ERG: variants seen among roughly 807,000 people sequenced by gnomAD.
The protein encoded by ERG is transcriptional regulator ERG.
In ERG, 9 loss-of-function variants were observed where a neutral mutation model predicts 55.3. The observed-to-expected ratio is 0.16, with a 90% CI of 0.10 to 0.28. The LOEUF is 0.28. Ranked by LOEUF, ERG falls within the 10% of genes least tolerant of loss-of-function variation. The pLI is 1.00. For missense variants in ERG, 434 were observed against 631.6 expected (o/e 0.69, Z 3.35); for synonymous variants, 223 against 237.3 (o/e 0.94, Z 0.55).
chr21:38,521,175 G>T (rs1235176096), intron 2 of ERG, among the ~76,000 whole-genome samples: 7 of 152,116 alleles, frequency 4.6e-5, no homozygotes, highest in Non-Finnish European at 1.0e-4. Flanking sequence ...GAGATTCATG[G>T]ACACAACTTA....
intron 2 of ERG, among the ~76,000 whole-genome samples, chr21:38,554,426 C>A (rs1367403200): frequency 6.6e-6 from 1 of 152,158 alleles, no homozygotes; most frequent in East Asian, 1.9e-4. Context: ...TCTAGAAGTC[C>A]ATCAGTGGTG....
At chr21:38,597,365 T>C (rs2060137409) in intron 1 of ERG, among the ~76,000 whole-genome samples, 1 of 152,210 alleles carries the variant, frequency 6.6e-6, no homozygotes. Flanking sequence ...TCTATATCTA[T>C]ATACATATAA....
intron 1 of ERG, among the ~76,000 whole-genome samples, chr21:38,483,145 G>A (rs2059252798): frequency 6.6e-6 from 1 of 152,274 alleles, no homozygotes; most frequent in South Asian, 2.1e-4. Flanking sequence ...GGGAAATGGG[G>A]AGATGTAGGT....
rs374144639 is a variant in ERG at position 38,555,128 on chromosome 21, A to T, written c.-41+20534T>A. Among the ~76,000 whole-genome samples, 17 of 152,190 alleles carry T rather than the reference A, an allele frequency of 1.1e-4. No individual in the cohort carries two copies. In the East Asian group the frequency reaches 2.1e-3, roughly 19 times the overall value. On this transcript the variant is annotated intron_variant, in intron 2 of 8. Transcript: ENST00000398897. ...GATTACCTGAGGTCAGGAGTTTGAG[A>T]CCAGCCTGGCCAACATAGTGAAACC... is the stretch of plus-strand genomic sequence containing the variant.
intron 1 of ERG, among the ~76,000 whole-genome samples, chr21:38,489,396 A>G (rs577398052): frequency 1.7e-3 from 262 of 152,364 alleles, no homozygotes; most frequent in African/African-American, 6.3e-3. Context: ...TTCCTTCACT[A>G]GAATGCTATC....
At chr21:38,519,956 A>G (rs917470512) in intron 2 of ERG, among the ~76,000 whole-genome samples, 1 of 152,078 alleles carries the variant, frequency 6.6e-6, no homozygotes, top group African/African-American at 2.4e-5. Context: ...AGCATTTTGT[A>G]TAAAATACTG....
rs2058883136 is a variant in ERG, at chr21:38,445,478, C to A, written c.162G>T (p.Gln54His). 2 of 1,614,044 alleles carry A rather than the reference C, an allele frequency of 1.2e-6. No homozygotes were observed. The highest frequency in any genetic ancestry group is 1.7e-6 in the Non-Finnish European group (2 of 1,180,030). ...TSKMSPRVPQ[Q>H]DWLSQPPARV... ...TGGCTGGGGGTTGAGACAGCCAATC[C>A]TGCTGAGGGACGCGTGGGCTCATCT... Residue 54 changes from glutamine (Q) to histidine (H), a missense_variant, in exon 2 of 10, where the codon CAG becomes CAT. This residue lies in a region of ERG where 212 missense variants were observed against 262.9 expected (regional missense o/e 0.81). Transcript: ENST00000288319.
chr21:38,447,684 T>C (rs2058904559), intron 1 of ERG, among the ~76,000 whole-genome samples: 1 of 151,872 alleles, frequency 6.6e-6, no homozygotes, highest in Non-Finnish European at 1.5e-5. Flanking sequence ...TTAGACCTTA[T>C]TAAAAAATTT....
intron 2 of ERG, among the ~76,000 whole-genome samples, chr21:38,424,913 G>A (rs1274027131): frequency 6.6e-6 from 1 of 152,182 alleles, no homozygotes; most frequent in Non-Finnish European, 1.5e-5. Context: ...GTCAGCTACT[G>A]ACTACTGACC....
intron 1 of ERG, among the ~76,000 whole-genome samples, chr21:38,607,912 C>T (rs2060205618): frequency 6.6e-6 from 1 of 152,076 alleles, no homozygotes; most frequent in African/African-American, 2.4e-5. Flanking sequence ...TGATGTCAGA[C>T]TTTGTTAGGT....
At chr21:38,554,159 A>C (rs879559473) in intron 2 of ERG, among the ~76,000 whole-genome samples, 3 of 152,170 alleles carry the variant, frequency 2.0e-5, no homozygotes, top group Admixed American at 2.0e-4. Context: ...TCAGAACGGC[A>C]ATTTTAAAAG....
chr21:38,452,816 G>A (rs907291583), intron 1 of ERG, among the ~76,000 whole-genome samples: 3 of 152,324 alleles, frequency 2.0e-5, no homozygotes, highest in Admixed American at 6.5e-5. Context: ...GGCCTGGCTG[G>A]TGCCAGCAAT....
In ERG at chr21:38,649,488, G is replaced by A. The variant is rs983682516; in HGVS notation, c.-150+12170C>T. Among the ~76,000 whole-genome samples the A allele has an allele frequency of 5.3e-5, 8 of 152,138 alleles. 1 individual carries two copies. The highest frequency in any genetic ancestry group is 1.9e-4 in the East Asian group (1 of 5,198). ...TTGTGGCTTACATCAATGTGGTCTC[G>A]TATTCATTGTGTGTTTAGACCACTT... On this transcript the variant is annotated intron_variant, in intron 1 of 10. Coordinates refer to the ERG transcript ENST00000398910.
In ERG at chr21:38,548,568, C is replaced by T. The variant is rs1327821963; in HGVS notation, c.-41+27094G>A. Among the ~76,000 whole-genome samples the T allele has an allele frequency of 2.7e-5, 4 of 150,192 alleles. No individual in the cohort carries two copies. In the East Asian group the frequency reaches 7.9e-4, roughly 30 times the overall value. ...GTTCACGCCATTCTCCTGCCTCAGC[C>T]TCCCAAGTAGCTGGGACTAGAGGCA... On this transcript the variant is annotated intron_variant, in intron 2 of 8. Transcript: ENST00000398897.
chr21:38,455,348 C>T (rs561571267), intron 1 of ERG, among the ~76,000 whole-genome samples: 5 of 152,164 alleles, frequency 3.3e-5, no homozygotes, highest in African/African-American at 9.6e-5. Context: ...AACTTACAAG[C>T]CCAGGTTGAA....
intron 1 of ERG, among the ~76,000 whole-genome samples, chr21:38,615,179 T>C (rs530151849): frequency 6.6e-6 from 1 of 152,184 alleles, no homozygotes; most frequent in Non-Finnish European, 1.5e-5. Flanking sequence ...GTCCAGTTAA[T>C]TCCTCACCTT....
At chr21:38,428,408 G>A (rs934542286) in intron 2 of ERG, among the ~76,000 whole-genome samples, 1 of 152,172 alleles carries the variant, frequency 6.6e-6, no homozygotes, top group African/African-American at 2.4e-5. Context: ...AAACAGCTTG[G>A]TATGTCACCT....
intron 1 of ERG, among the ~76,000 whole-genome samples, chr21:38,477,255 T>C (rs1473927328): frequency 1.3e-5 from 2 of 152,170 alleles, no homozygotes; most frequent in Non-Finnish European, 2.9e-5. Flanking sequence ...CCACCCACCT[T>C]GGCCTCCCAA....
Position 38,498,442 on chromosome 21 carries a change from C to A in ERG, c.-62G>T. On this transcript the variant is annotated 5_prime_UTR_variant, in exon 1 of 10. Transcript: ENST00000288319. The surrounding 1 kb of genome is among the most constrained non-coding windows in gnomAD (Gnocchi z 4.6). ...ATAATAATTATTGCTTCTCTCTGAC[C>A]AGAAAGTAGTTTTGATGAGGTTGTT... 1 of 1,592,408 alleles carries A rather than the reference C, an allele frequency of 6.3e-7. No individual in the cohort carries two copies. Among genetic ancestry groups the A allele is most frequent in the Admixed American group, 1.8e-5 (1 of 57,026 alleles).
Sources: gnomAD v4.1 joint callset for allele counts (sites outside exome capture counted in the v4.1 genomes callset) on GRCh38, gnomAD v4.1.1 for gene constraint, gnomAD v4.1.1 regional missense constraint, Gnocchi (gnomAD v3.1) non-coding constraint, MANE v1.5 for transcripts, NCBI Gene and HGNC (gene_info 2026-07-23, HGNC 2026-07-21) for gene names.